Variants in HS6ST3 observed in about 807,000 individuals in gnomAD.
HS6ST3 encodes the protein heparan-sulfate 6-O-sulfotransferase 3.
Under a neutral mutation model 36.7 loss-of-function variants are expected in HS6ST3, and 12 were observed. The observed-to-expected ratio is 0.33, with a 90% CI of 0.21 to 0.53. The LOEUF (loss-of-function observed/expected upper bound fraction) is 0.53, where lower values mean the gene tolerates loss of function less well. HS6ST3 is among the 20% of genes least tolerant of loss of function. The pLI is 0.95. For missense variants in HS6ST3, 584 were observed against 640.9 expected (o/e 0.91, Z 0.96); for synonymous variants, 240 against 257.5 (o/e 0.93, Z 0.65).
chr13:96,327,724 T>C (rs1386921315), intron 1 of HS6ST3, among the ~76,000 whole-genome samples: 4 of 152,076 alleles, frequency 2.6e-5, no homozygotes, highest in South Asian at 4.2e-4. Context: ...AAGAAAGTCA[T>C]TGGTGGCTTG....
At chr13:96,548,267 C>A (rs1334773228) in intron 1 of HS6ST3, among the ~76,000 whole-genome samples, 1 of 152,130 alleles carries the variant, frequency 6.6e-6, no homozygotes, top group Non-Finnish European at 1.5e-5. Context: ...TTACACGTCA[C>A]ATCCAGACGC....
chr13:96,161,395 C>T (rs938148832), intron 1 of HS6ST3, among the ~76,000 whole-genome samples: 2 of 152,004 alleles, frequency 1.3e-5, no homozygotes, highest in African/African-American at 2.4e-5. Flanking sequence ...AGGCGGGAAA[C>T]GTGAAATTGC....
chr13:96,383,457 A>G (rs1343927987), intron 1 of HS6ST3, among the ~76,000 whole-genome samples: 2 of 152,152 alleles, frequency 1.3e-5, no homozygotes, highest in African/African-American at 2.4e-5. Context: ...AAAGAAAAAA[A>G]AAGTGGGAGA....
chr13:96,149,896 A>G (rs2054076759), intron 1 of HS6ST3, among the ~76,000 whole-genome samples: 1 of 152,238 alleles, frequency 6.6e-6, no homozygotes, highest in African/African-American at 2.4e-5. Context: ...AGAGAATAAA[A>G]TGTTATCTGA....
At chr13:96,530,053 A>C (rs1343550466) in intron 1 of HS6ST3, among the ~76,000 whole-genome samples, 2 of 152,226 alleles carry the variant, frequency 1.3e-5, no homozygotes, top group African/African-American at 2.4e-5. Context: ...TCTGATGAGC[A>C]CTGAATGATG....
chr13:96,332,572 TCTGCTACTGG>T (rs1184441696), intron 1 of HS6ST3, among the ~76,000 whole-genome samples: 1 of 152,226 alleles, frequency 6.6e-6, no homozygotes, highest in Non-Finnish European at 1.5e-5. Context: ...TTTGTCTTCC[TCTGCTACTGG>T]CTGTAATTTC....
intron 1 of HS6ST3, among the ~76,000 whole-genome samples, chr13:96,755,309 CAT>C (rs1311407728): frequency 1.3e-5 from 2 of 152,102 alleles, no homozygotes; most frequent in Non-Finnish European, 2.9e-5. Flanking sequence ...TTCTGAGACT[CAT>C]TCATGCAGCT....
intron 1 of HS6ST3, among the ~76,000 whole-genome samples, chr13:96,384,368 CCTT>C: frequency 6.6e-6 from 1 of 152,122 alleles, no homozygotes; most frequent in South Asian, 2.1e-4. Context: ...TTTTGTTCCT[CCTT>C]CTGTTATATC....
intron 1 of HS6ST3, among the ~76,000 whole-genome samples, chr13:96,480,078 T>G (rs2055883077): frequency 6.6e-6 from 1 of 152,158 alleles, no homozygotes; most frequent in Admixed American, 6.6e-5. Context: ...TAATATTGTC[T>G]ACCACAAGGA....
chr13:96,297,724 G>A (rs527630084), intron 1 of HS6ST3, among the ~76,000 whole-genome samples: 12 of 152,166 alleles, frequency 7.9e-5, no homozygotes, highest in African/African-American at 2.6e-4. Flanking sequence ...CCAGATGAAG[G>A]CATTTGTGAT....
chr13:96,288,650 G>A (rs2054815338), intron 1 of HS6ST3, among the ~76,000 whole-genome samples: 1 of 151,960 alleles, frequency 6.6e-6, no homozygotes, highest in Non-Finnish European at 1.5e-5. Flanking sequence ...GCGTGATAAA[G>A]ACCATTTACT....
chr13:96,822,301 G>A (rs776615508), intron 1 of HS6ST3, among the ~76,000 whole-genome samples: 2 of 152,278 alleles, frequency 1.3e-5, no homozygotes, highest in Non-Finnish European at 1.5e-5. Context: ...GTGATGCAGC[G>A]CAAAGCAGGG....
intron 1 of HS6ST3, among the ~76,000 whole-genome samples, chr13:96,217,700 C>T (rs1049753518): frequency 3.3e-5 from 5 of 152,130 alleles, no homozygotes; most frequent in African/African-American, 1.2e-4. Flanking sequence ...AGTCTAACTT[C>T]AAAATCTATA....
intron 1 of HS6ST3, among the ~76,000 whole-genome samples, chr13:96,812,798 C>T (rs1272486427): frequency 6.6e-6 from 1 of 151,652 alleles, no homozygotes; most frequent in East Asian, 1.9e-4. Flanking sequence ...CACACACACA[C>T]CCCTTAGGCT....
intron 1 of HS6ST3, among the ~76,000 whole-genome samples, chr13:96,719,560 T>C (rs1340658960): frequency 6.6e-6 from 1 of 152,100 alleles, no homozygotes; most frequent in African/African-American, 2.4e-5. Flanking sequence ...AGAGTATTGG[T>C]GATATGTGGT....
intron 1 of HS6ST3, among the ~76,000 whole-genome samples, chr13:96,761,722 A>G (rs745325874): frequency 2.0e-5 from 3 of 152,264 alleles, no homozygotes; most frequent in Non-Finnish European, 4.4e-5. Flanking sequence ...GAGAATATTC[A>G]TTTACATAAG....
At chr13:96,222,770 A>G (rs1469616944) in intron 1 of HS6ST3, among the ~76,000 whole-genome samples, 1 of 152,210 alleles carries the variant, frequency 6.6e-6, no homozygotes. Flanking sequence ...CTTCTATGCC[A>G]TTTTTTAGAT....
intron 1 of HS6ST3, among the ~76,000 whole-genome samples, chr13:96,533,992 T>C (rs912888990): frequency 4.6e-5 from 7 of 152,226 alleles, no homozygotes; most frequent in African/African-American, 1.7e-4. Flanking sequence ...CCATCAGGCA[T>C]TGCTTCTCCA....
At chr13:96,391,505 A>G (rs991122169) in intron 1 of HS6ST3, among the ~76,000 whole-genome samples, 16 of 152,188 alleles carry the variant, frequency 1.1e-4, no homozygotes, top group African/African-American at 3.9e-4. Flanking sequence ...CAGCTCTCAT[A>G]CTATAGATGT....
Sources: allele counts gnomAD v4.1 joint callset (sites outside exome capture counted in the v4.1 genomes callset), GRCh38; gene constraint gnomAD v4.1.1; transcripts MANE v1.5; gene names NCBI Gene and HGNC (gene_info 2026-07-23, HGNC 2026-07-21).